Variants in PALM2AKAP2 observed in about 807,000 individuals in gnomAD.
PALM2AKAP2 encodes PALM2-AKAP2 fusion protein.
A neutral mutation model predicts 71.5 loss-of-function variants in PALM2AKAP2; 37 were observed. That is an observed-to-expected ratio of 0.52 (90% CI 0.40 to 0.68). The LOEUF (loss-of-function observed/expected upper bound fraction) is 0.68. Ranked by LOEUF, PALM2AKAP2 falls within the 30% of genes least tolerant of loss-of-function variation. The probability of loss-of-function intolerance (pLI) is 0.00; values close to 1 mark genes in which losing one functional copy is unlikely to be tolerated. For missense variants in PALM2AKAP2, 1,224 were observed against 1,191.8 expected (o/e 1.03, Z -0.40); for synonymous variants, 468 against 478.8 (o/e 0.98, Z 0.29).
intron 1 of PALM2AKAP2, among the ~76,000 whole-genome samples, chr9:109,831,398 AGGTGCTTTTT>A (rs974920007): frequency 6.6e-6 from 1 of 152,058 alleles, no homozygotes; most frequent in Non-Finnish European, 1.5e-5. Context: ...TGATGGTTTG[AGGTGCTTTTT>A]GGTAAATAAC....
intron 7 of PALM2AKAP2, among the ~76,000 whole-genome samples, chr9:110,026,294 A>C (rs1037856320): frequency 1.1e-4 from 16 of 152,020 alleles, no homozygotes; most frequent in African/African-American, 3.9e-4. Context: ...TGCCCAGGCC[A>C]ATCTTAAACT....
At chr9:109,754,293 C>T (rs547024460) in intron 1 of PALM2AKAP2, among the ~76,000 whole-genome samples, 19 of 152,232 alleles carry the variant, frequency 1.2e-4, no homozygotes, top group African/African-American at 4.3e-4. Context: ...ATATTAAGTC[C>T]ATTGTTTTGG....
intron 1 of PALM2AKAP2, among the ~76,000 whole-genome samples, chr9:109,766,020 A>C (rs1412653367): frequency 1.3e-5 from 2 of 152,106 alleles, no homozygotes; most frequent in African/African-American, 4.8e-5. Flanking sequence ...CCAGCTCCTC[A>C]CTAATGTCCC....
intron 1 of PALM2AKAP2, among the ~76,000 whole-genome samples, chr9:109,855,171 T>G (rs929681470): frequency 6.6e-6 from 1 of 152,034 alleles, no homozygotes; most frequent in African/African-American, 2.4e-5. Flanking sequence ...TTCCCAGGCT[T>G]AAGCAATCCT....
At chr9:110,102,727 C>G (rs1183537365) in intron 1 of PALM2AKAP2, among the ~76,000 whole-genome samples, 1 of 152,118 alleles carries the variant, frequency 6.6e-6, no homozygotes, top group Non-Finnish European at 1.5e-5. Context: ...AAAAACAAGA[C>G]CACGTCATTC....
chr9:109,786,468 C>T (rs1826970643), intron 1 of PALM2AKAP2, among the ~76,000 whole-genome samples: 1 of 152,210 alleles, frequency 6.6e-6, no homozygotes, highest in East Asian at 1.9e-4. Context: ...CATCTGTTAT[C>T]TTATATCTCA....
At chr9:109,715,409 G>A (rs1305269232) in intron 1 of PALM2AKAP2, among the ~76,000 whole-genome samples, 3 of 152,164 alleles carry the variant, frequency 2.0e-5, no homozygotes. Context: ...CCTGCCCAGG[G>A]ACAGATCCTA....
chr9:110,052,302 A>C (rs1833726690), intron 1 of PALM2AKAP2, among the ~76,000 whole-genome samples: 2 of 152,216 alleles, frequency 1.3e-5, no homozygotes, highest in Admixed American at 1.3e-4. Context: ...TCTCATTGGC[A>C]TGAGCCTCAC....
chr9:110,035,548 T>G (rs1833380862), intron 7 of PALM2AKAP2, among the ~76,000 whole-genome samples: 2 of 145,292 alleles, frequency 1.4e-5, no homozygotes, highest in African/African-American at 5.0e-5. Context: ...ATGTTGTGTG[T>G]TATATATAAC....
At chr9:109,785,690 G>C (rs1001961145) in intron 1 of PALM2AKAP2, among the ~76,000 whole-genome samples, 11 of 152,114 alleles carry the variant, frequency 7.2e-5, no homozygotes, top group Non-Finnish European at 4.4e-5. Context: ...ACTATCACAA[G>C]AACAGCATGG....
intron 2 of PALM2AKAP2, among the ~76,000 whole-genome samples, chr9:110,143,554 T>C (rs1015415077): frequency 6.6e-6 from 1 of 152,148 alleles, no homozygotes; most frequent in Non-Finnish European, 1.5e-5. Context: ...ATCCAAACAT[T>C]GTATTGAAGT....
At chr9:110,136,133 C>T (rs780264479) in exon 2 of PALM2AKAP2, 10 of 1,574,670 alleles carry the variant, frequency 6.4e-6, no homozygotes, top group Non-Finnish European at 8.6e-6. Flanking sequence ...CCAGAAGCCT[C>T]CCCAGCTTTC....
intron 7 of PALM2AKAP2, among the ~76,000 whole-genome samples, chr9:110,029,786 C>G (rs976807460): frequency 6.6e-6 from 1 of 152,142 alleles, no homozygotes; most frequent in Non-Finnish European, 1.5e-5. Flanking sequence ...AACCTGGTTC[C>G]CATTTAGGCA....
chr9:109,796,091 C>T (rs1035543159), intron 1 of PALM2AKAP2, among the ~76,000 whole-genome samples: 1 of 152,212 alleles, frequency 6.6e-6, no homozygotes, highest in Non-Finnish European at 1.5e-5. Flanking sequence ...AGTTTAGTGA[C>T]TTTTAGCAGA....
intron 6 of PALM2AKAP2, among the ~76,000 whole-genome samples, chr9:109,975,960 G>A (rs180864355): frequency 5.2e-4 from 79 of 152,332 alleles, no homozygotes; most frequent in Admixed American, 5.0e-3. Context: ...TAATAATGCA[G>A]TATTTTAGAA....
At chr9:110,052,539 A>G (rs1294679610) in intron 1 of PALM2AKAP2, among the ~76,000 whole-genome samples, 1 of 152,368 alleles carries the variant, frequency 6.6e-6, no homozygotes, top group East Asian at 1.9e-4. Context: ...AAAATCTACC[A>G]TTTGGCTCAG....
chr9:109,972,938 A>G (rs1221420259), intron 6 of PALM2AKAP2, among the ~76,000 whole-genome samples: 2 of 152,208 alleles, frequency 1.3e-5, no homozygotes, highest in Non-Finnish European at 1.5e-5. Flanking sequence ...CCTTTTACCA[A>G]TAATGGCTTA....
Position 110,125,764 on chromosome 9 carries a change from T to C in PALM2AKAP2, c.157-10363T>C, listed in dbSNP as rs1023243479. On this transcript the variant is annotated intron_variant, in intron 1 of 3. Transcript: ENST00000374525. ...AGGCAGCCGAGCTCAGACTGGTGTC[T>C]TGCTTCTCTCTCTCTTTTTTTTTTT... is the stretch of plus-strand genomic sequence containing the variant. 2.0e-5 allele frequency among the ~76,000 whole-genome samples: 3 copies of C among 150,228 alleles called. No individual in the cohort carries two copies. The Admixed American group carries it at 2.0e-4, about 10-fold the overall frequency.
chr9:109,690,804 C>T (rs1027382722), intron 1 of PALM2AKAP2, among the ~76,000 whole-genome samples: 33 of 152,278 alleles, frequency 2.2e-4, no homozygotes, highest in African/African-American at 7.5e-4. Flanking sequence ...GTTCGGATCA[C>T]ATCCTATACC....
Sources: allele counts gnomAD v4.1 joint callset (sites outside exome capture counted in the v4.1 genomes callset), GRCh38; gene constraint gnomAD v4.1.1; transcripts MANE v1.5; gene names NCBI Gene and HGNC (gene_info 2026-07-23, HGNC 2026-07-21).